Variants in SLIT3 observed in about 807,000 individuals in gnomAD.
SLIT3 encodes the protein slit guidance ligand 3.
SLIT3 carries 68 observed loss-of-function variants against 184.0 expected under a neutral mutation model. That is an observed-to-expected ratio of 0.37 (90% CI 0.30 to 0.45). SLIT3 has a LOEUF of 0.45. SLIT3 is among the 20% of genes least tolerant of loss of function. The pLI is 1.00. For synonymous variants in SLIT3, 831 were observed against 828.6 expected (o/e 1.00, Z -0.05); for missense variants, 1,707 against 2,026.0 (o/e 0.84, Z 3.02).
rs1761003388 is a variant in SLIT3, at chr5:168,665,457, A to G, written c.*997T>C. 2 of 152,234 alleles carry G rather than the reference A, an allele frequency of 1.3e-5. No homozygotes were observed. Among genetic ancestry groups the G allele is most frequent in the Non-Finnish European group, 1.5e-5 (1 of 68,092 alleles). 9.4% of individuals were successfully genotyped at this position (152,234 alleles called of 1,614,324 possible). On this transcript the variant is annotated 3_prime_UTR_variant, in exon 36 of 36. Coordinates refer to ENST00000519560, the MANE Select transcript of SLIT3 (RefSeq NM_003062.4). The stretch of plus-strand genomic sequence containing the variant: ...AGGGCTGACTACCTTCTCTACTGGG[A>G]TACATTCCAATGAAAAATTACCTGG...
At chr5:168,986,294 A>C (rs923835803) in intron 4 of SLIT3, among the ~76,000 whole-genome samples, 4 of 152,138 alleles carry the variant, frequency 2.6e-5, no homozygotes, top group African/African-American at 9.7e-5. Context: ...GGGGAGAATT[A>C]ACCCACTTGA....
At chr5:169,094,209 A>T (rs950507080) in intron 4 of SLIT3, among the ~76,000 whole-genome samples, 1 of 152,248 alleles carries the variant, frequency 6.6e-6, no homozygotes, top group Admixed American at 6.5e-5. Context: ...TAAGATCCCA[A>T]TGAGGTCATT....
chr5:168,696,833 G>A (rs1297933170), intron 27 of SLIT3, among the ~76,000 whole-genome samples: 1 of 152,150 alleles, frequency 6.6e-6, no homozygotes, highest in Non-Finnish European at 1.5e-5. Context: ...CAAATAAAGA[G>A]AGACAGCATA....
intron 4 of SLIT3, among the ~76,000 whole-genome samples, chr5:168,972,784 T>G (rs1211174379): frequency 1.3e-5 from 2 of 152,178 alleles, no homozygotes; most frequent in African/African-American, 4.8e-5. Flanking sequence ...TGCCTCACAT[T>G]GGGTGTGAGA....
chr5:169,254,024 C>T (rs1367617383), intron 1 of SLIT3, among the ~76,000 whole-genome samples: 1 of 152,204 alleles, frequency 6.6e-6, no homozygotes, highest in Non-Finnish European at 1.5e-5. Context: ...ACCTCCCAAA[C>T]ACACATACTG....
chr5:168,804,310 CAAAAAAAAAAAAAA>C (rs770650322), intron 9 of SLIT3, among the ~76,000 whole-genome samples: 1 of 52,356 alleles, frequency 1.9e-5, no homozygotes, highest in African/African-American at 8.0e-5. Context: ...AACTCTTTCT[CAAAAAAAAAAAAAA>C]AAAAAAAAAA....
chr5:168,721,541 G>T (rs574841123), intron 23 of SLIT3, among the ~76,000 whole-genome samples: 14 of 152,164 alleles, frequency 9.2e-5, no homozygotes, highest in Non-Finnish European at 2.1e-4. Context: ...AGAGTGGGCC[G>T]GCTGTGGAGG....
intron 15 of SLIT3, among the ~76,000 whole-genome samples, chr5:168,762,275 C>T (rs1288002134): frequency 6.6e-6 from 1 of 152,208 alleles, no homozygotes; most frequent in Admixed American, 6.5e-5. Flanking sequence ...GTTGTAGAAA[C>T]TGGTGGGCCT....
At chr5:168,817,528 A>ACTCTGTCTG in intron 7 of SLIT3, 65 bp from the exon 8 acceptor site, 2 of 1,536,606 alleles carry the variant, frequency 1.3e-6, no homozygotes, top group Non-Finnish European at 1.8e-6. Context: ...GTCACTGGCC[A>ACTCTGTCTG]GACAGAGTGA....
chr5:169,230,210 C>G (rs1013263830), intron 3 of SLIT3, among the ~76,000 whole-genome samples: 2 of 152,090 alleles, frequency 1.3e-5, no homozygotes, highest in African/African-American at 4.8e-5. Flanking sequence ...AATGATTAAC[C>G]CCATTTAACA....
At chr5:168,858,462 G>A (rs1433214954) in intron 5 of SLIT3, among the ~76,000 whole-genome samples, 1 of 152,248 alleles carries the variant, frequency 6.6e-6, no homozygotes, top group Non-Finnish European at 1.5e-5. Context: ...GGAAAGTAAG[G>A]TCCTTTCAAG....
At chr5:169,088,224 T>C (rs1759394319) in intron 4 of SLIT3, among the ~76,000 whole-genome samples, 1 of 152,162 alleles carries the variant, frequency 6.6e-6, no homozygotes. Context: ...GCCGTATGGC[T>C]TGTGTTCATA....
chr5:168,809,922 C>T (rs868634425), intron 8 of SLIT3, among the ~76,000 whole-genome samples: 9 of 152,066 alleles, frequency 5.9e-5, no homozygotes, highest in Non-Finnish European at 8.8e-5. Flanking sequence ...GTGGAGTGGC[C>T]GTGGGAGATG....
At chr5:169,217,114 A>G (rs1764461250) in intron 3 of SLIT3, among the ~76,000 whole-genome samples, 1 of 143,992 alleles carries the variant, frequency 6.9e-6, no homozygotes. Context: ...TCGTTTGGAC[A>G]AGACCTTGAG....
intron 4 of SLIT3, among the ~76,000 whole-genome samples, chr5:168,984,592 G>A (rs539294929): frequency 1.3e-5 from 2 of 152,316 alleles, no homozygotes; most frequent in African/African-American, 2.4e-5. Context: ...GCTGCATGGG[G>A]CCTAATGACC....
chr5:168,969,101 TG>T (rs535163790), intron 4 of SLIT3, among the ~76,000 whole-genome samples: 10 of 152,242 alleles, frequency 6.6e-5, no homozygotes, highest in Non-Finnish European at 1.5e-4. Context: ...TTAATCATTT[TG>T]ATGTAGAGTC....
intron 5 of SLIT3, among the ~76,000 whole-genome samples, chr5:168,863,330 T>G (rs941516081): frequency 2.0e-5 from 3 of 152,236 alleles, no homozygotes; most frequent in African/African-American, 7.2e-5. Flanking sequence ...ATTCAGCCAG[T>G]GATCTAATTG....
intron 4 of SLIT3, among the ~76,000 whole-genome samples, chr5:168,932,394 C>T (rs1388488130): frequency 6.8e-6 from 1 of 146,364 alleles, no homozygotes; most frequent in Admixed American, 6.8e-5. Flanking sequence ...ACACACACTA[C>T]ACACACCCTA....
rs541138362 is a variant in SLIT3, at chr5:169,289,777, G to A, written c.197+10736C>T. Among the ~76,000 whole-genome samples, 5 of 152,294 alleles carry A rather than the reference G, an allele frequency of 3.3e-5. No individual in the cohort carries two copies. The South Asian group carries it at 1.0e-3, about 32-fold the overall frequency. On this transcript the variant is annotated intron_variant, in intron 1 of 35. Coordinates refer to ENST00000519560, the MANE Select transcript of SLIT3 (RefSeq NM_003062.4). ...GGAGCCAGGAGTAGCTAAAGCTCAG[G>A]GAGAGATGCAAACATGCACAATTCT...
Sources: gnomAD v4.1 joint callset for allele counts (sites outside exome capture counted in the v4.1 genomes callset) on GRCh38, gnomAD v4.1.1 for gene constraint, MANE v1.5 for transcripts, NCBI Gene and HGNC (gene_info 2026-07-23, HGNC 2026-07-21) for gene names.